Variants in SORBS2 observed in about 807,000 individuals in gnomAD.
SORBS2 encodes the protein sorbin and SH3 domain-containing protein 2.
Under a neutral mutation model 97.7 loss-of-function variants are expected in SORBS2, and 46 were observed. The observed-to-expected ratio is 0.47, with a 90% CI of 0.37 to 0.60. The LOEUF (loss-of-function observed/expected upper bound fraction) is 0.60, where lower values mean the gene tolerates loss of function less well. SORBS2 is among the 20% of genes least tolerant of loss of function. The pLI, the probability that SORBS2 is intolerant of heterozygous loss-of-function variation, is 0.00. For missense variants in SORBS2, 1,316 were observed against 1,282.3 expected (o/e 1.03, Z -0.40); for synonymous variants, 476 against 473.4 (o/e 1.01, Z -0.07).
At chr4:185,879,172 C>CCG (rs1561262073) in intron 1 of SORBS2, among the ~76,000 whole-genome samples, 8 of 100,236 alleles carry the variant, frequency 8.0e-5, no homozygotes, top group African/African-American at 3.6e-4. Flanking sequence ...CCCTCCCCCC[C>CCG]CCCCACCCCA....
At chr4:185,870,351 T>C (rs1425872966) in intron 1 of SORBS2, among the ~76,000 whole-genome samples, 2 of 152,206 alleles carry the variant, frequency 1.3e-5, no homozygotes, top group African/African-American at 4.8e-5. Context: ...CACAGAAGAC[T>C]GTGAGCTCTG....
intron 1 of SORBS2, among the ~76,000 whole-genome samples, chr4:185,827,875 G>A (rs1468275565): frequency 1.5e-5 from 2 of 131,324 alleles, no homozygotes; most frequent in Non-Finnish European, 1.6e-5. Flanking sequence ...CATCATCATC[G>A]TCACCATCAT....
At chr4:185,664,012 G>C (rs1434129294) in intron 4 of SORBS2, among the ~76,000 whole-genome samples, 1 of 151,580 alleles carries the variant, frequency 6.6e-6, no homozygotes, top group Non-Finnish European at 1.5e-5. Context: ...CCACCACCAC[G>C]CCCGGCTAAT....
chr4:185,686,954 G>A (rs993483558), intron 2 of SORBS2, among the ~76,000 whole-genome samples: 11 of 152,176 alleles, frequency 7.2e-5, no homozygotes, highest in African/African-American at 2.7e-4. Context: ...TAATAGACGC[G>A]CTATATTCCT....
At chr4:185,654,204 A>G (rs1419382962) in intron 1 of SORBS2, among the ~76,000 whole-genome samples, 1 of 152,232 alleles carries the variant, frequency 6.6e-6, no homozygotes, top group Non-Finnish European at 1.5e-5. Context: ...TATTCAGTCA[A>G]AGGACGGGAC....
chr4:185,837,635 A>G (rs2099208874), intron 1 of SORBS2, among the ~76,000 whole-genome samples: 1 of 152,190 alleles, frequency 6.6e-6, no homozygotes, highest in Non-Finnish European at 1.5e-5. Flanking sequence ...AACCTCTAAT[A>G]CAATTGTTAA....
intron 12 of SORBS2, among the ~76,000 whole-genome samples, chr4:185,594,174 T>A (rs1213319138): frequency 6.6e-6 from 1 of 152,190 alleles, no homozygotes; most frequent in East Asian, 1.9e-4. Flanking sequence ...TACAATCTAG[T>A]CTGCTCAAGC....
At chr4:185,942,140 T>C (rs2099272330) in intron 1 of SORBS2, among the ~76,000 whole-genome samples, 1 of 151,924 alleles carries the variant, frequency 6.6e-6, no homozygotes, top group African/African-American at 2.4e-5. Context: ...AAACTAAGAC[T>C]TGGAGAAACT....
intron 1 of SORBS2, among the ~76,000 whole-genome samples, chr4:185,916,983 C>T (rs1378285048): frequency 6.6e-6 from 1 of 152,162 alleles, no homozygotes; most frequent in Non-Finnish European, 1.5e-5. Flanking sequence ...ACTTTTGGCC[C>T]CACCCCAACC....
At chr4:185,875,208 A>T (rs1210611954) in intron 1 of SORBS2, among the ~76,000 whole-genome samples, 3 of 152,222 alleles carry the variant, frequency 2.0e-5, no homozygotes, top group Non-Finnish European at 4.4e-5. Context: ...TAGTAAATAT[A>T]GTTAATAACA....
In SORBS2 at chr4:185,884,455, T is replaced by A. The variant is rs534162914; in HGVS notation, c.-338+71741A>T. 9.0e-4 allele frequency among the ~76,000 whole-genome samples: 137 copies of A among 152,350 alleles called. 1 individual carries two copies. The highest frequency in any genetic ancestry group is 4.3e-3 in the South Asian group (21 of 4,832). Reference sequence around the variant, plus strand: ...TTTTAAAATAAGCATGTGCTGTTTTTTAAAATAAAAAAGTTTTATTTTTGC... The same window carrying A: ...TTTTAAAATAAGCATGTGCTGTTTTATAAAATAAAAAAGTTTTATTTTTGC... On this transcript the variant is annotated intron_variant, in intron 1 of 20. Coordinates refer to the SORBS2 transcript ENST00000284776.
chr4:185,869,413 ACTGTATGACCC>A (rs1459886459), intron 1 of SORBS2, among the ~76,000 whole-genome samples: 1 of 152,176 alleles, frequency 6.6e-6, no homozygotes, highest in Non-Finnish European at 1.5e-5. Flanking sequence ...TGAAGGGCCC[ACTGTATGACCC>A]CTGTCTCAGT....
intron 2 of SORBS2, among the ~76,000 whole-genome samples, chr4:185,751,372 G>A (rs78078938): frequency 0.052 from 7,952 of 152,018 alleles, 691 homozygotes; most frequent in African/African-American, 0.18. Flanking sequence ...GAGACAAAGC[G>A]AGATGAGACA....
rs192708954 is a variant in SORBS2, at chr4:185,830,378, G to T, written c.-337-55012C>A. Among the ~76,000 whole-genome samples, 27 of 152,282 alleles carry T rather than the reference G, an allele frequency of 1.8e-4. No individual in the cohort carries two copies. The East Asian group carries it at 4.2e-3, about 24-fold the overall frequency. ...CAGCACACATAGGTGCTGTGAGGTG[G>T]GTCAGCACATTTTTGCCACCTAGCT... is the stretch of plus-strand genomic sequence containing the variant. On this transcript the variant is annotated intron_variant, in intron 1 of 20. Coordinates refer to the SORBS2 transcript ENST00000284776.
chr4:185,884,744 T>C (rs2099238526), intron 1 of SORBS2, among the ~76,000 whole-genome samples: 1 of 152,210 alleles, frequency 6.6e-6, no homozygotes, highest in African/African-American at 2.4e-5. Flanking sequence ...CTAAGAGGTT[T>C]CCAACACACA....
intron 2 of SORBS2, among the ~76,000 whole-genome samples, chr4:185,703,468 C>A (rs1420881117): frequency 2.0e-5 from 3 of 152,084 alleles, no homozygotes; most frequent in East Asian, 3.9e-4. Flanking sequence ...GAGTAAAAGT[C>A]TATTGGCTTT....
intron 2 of SORBS2, among the ~76,000 whole-genome samples, chr4:185,708,339 A>G (rs1236914268): frequency 6.6e-6 from 1 of 152,254 alleles, no homozygotes; most frequent in Non-Finnish European, 1.5e-5. Context: ...TCACAGGTAC[A>G]TGTAATAGAT....
chr4:185,746,617 C>A (rs1165372141), intron 2 of SORBS2, among the ~76,000 whole-genome samples: 1 of 152,176 alleles, frequency 6.6e-6, no homozygotes, highest in African/African-American at 2.4e-5. Flanking sequence ...CGCGCCCGGC[C>A]TTATCTGGTT....
chr4:185,797,180 T>G (rs1267445681), intron 1 of SORBS2, among the ~76,000 whole-genome samples: 1 of 152,172 alleles, frequency 6.6e-6, no homozygotes, highest in Non-Finnish European at 1.5e-5. Context: ...CCGAAGACTG[T>G]TTGGCAGACA....
Sources: allele counts gnomAD v4.1 joint callset (sites outside exome capture counted in the v4.1 genomes callset), GRCh38; gene constraint gnomAD v4.1.1; transcripts MANE v1.5; gene names NCBI Gene and HGNC (gene_info 2026-07-23, HGNC 2026-07-21).